Variants in SYT1 observed in about 807,000 individuals in gnomAD.
SYT1 encodes synaptotagmin 1.
In SYT1, 8 loss-of-function variants were observed where a neutral mutation model predicts 44.8. That is an observed-to-expected ratio of 0.18 (90% CI 0.10 to 0.32). SYT1 has a LOEUF of 0.32. Among genes scored for constraint, SYT1 ranks in the 10% least tolerant of loss-of-function variants. SYT1 has a pLI of 1.00. For missense variants in SYT1, 286 were observed against 509.3 expected (o/e 0.56, Z 4.22); for synonymous variants, 154 against 188.8 (o/e 0.82, Z 1.51).
chr12:79,120,726 C>T (rs1395226041), intron 3 of SYT1, among the ~76,000 whole-genome samples: 1 of 151,984 alleles, frequency 6.6e-6, no homozygotes, highest in Admixed American at 6.6e-5. Flanking sequence ...TGATTAAATT[C>T]TAAGAAGATG....
chr12:79,428,211 A>G (rs968741238), intron 9 of SYT1, among the ~76,000 whole-genome samples: 7 of 152,146 alleles, frequency 4.6e-5, no homozygotes, highest in African/African-American at 1.4e-4. Context: ...TAGAAGAAAT[A>G]TGCAGCACAG....
chr12:79,067,892 ATTG>A (rs777904013), intron 3 of SYT1, among the ~76,000 whole-genome samples: 1 of 152,238 alleles, frequency 6.6e-6, no homozygotes. Context: ...TCAAGTAGAA[ATTG>A]TTGTAGAACA....
chr12:79,015,470 A>G (rs774064110), intron 2 of SYT1, among the ~76,000 whole-genome samples: 12 of 152,134 alleles, frequency 7.9e-5, no homozygotes, highest in Non-Finnish European at 1.6e-4. Flanking sequence ...AATTTGTTTT[A>G]TCTGATTCAT....
chr12:78,876,286 T>C (rs1874063806), intron 1 of SYT1, among the ~76,000 whole-genome samples: 1 of 151,424 alleles, frequency 6.6e-6, no homozygotes, highest in Non-Finnish European at 1.5e-5. Flanking sequence ...TATATGATAG[T>C]AAACCAGTTG....
At chr12:79,051,812 A>C (rs1874515003) in intron 3 of SYT1, among the ~76,000 whole-genome samples, 1 of 151,986 alleles carries the variant, frequency 6.6e-6, no homozygotes, top group African/African-American at 2.4e-5. Flanking sequence ...TGTTTTTGTC[A>C]GGTTTGTCAA....
intron 3 of SYT1, among the ~76,000 whole-genome samples, chr12:79,217,025 T>C (rs1874849363): frequency 1.3e-5 from 2 of 152,318 alleles, no homozygotes; most frequent in East Asian, 1.9e-4. Flanking sequence ...ATATTACTTA[T>C]AACCATTTTT....
intron 3 of SYT1, among the ~76,000 whole-genome samples, chr12:79,215,992 C>T (rs906832898): frequency 8.3e-6 from 1 of 119,990 alleles, no homozygotes; most frequent in African/African-American, 3.2e-5. Flanking sequence ...AGTGCAGTAG[C>T]ACAATCTTGG....
At chr12:79,099,098 A>C (rs1878305854) in intron 3 of SYT1, among the ~76,000 whole-genome samples, 1 of 152,186 alleles carries the variant, frequency 6.6e-6, no homozygotes, top group Non-Finnish European at 1.5e-5. Flanking sequence ...AACTCTGTTC[A>C]ATCTTGGCAA....
chr12:79,132,690 A>G, intron 3 of SYT1, among the ~76,000 whole-genome samples: 1 of 150,658 alleles, frequency 6.6e-6, no homozygotes, highest in East Asian at 1.9e-4. Flanking sequence ...AAAAAAAAAA[A>G]AAAAAAAAAA....
At chr12:79,065,617 GA>G (rs892261087) in intron 3 of SYT1, among the ~76,000 whole-genome samples, 84 of 150,740 alleles carry the variant, frequency 5.6e-4, no homozygotes, top group African/African-American at 1.8e-3. Flanking sequence ...AAATCTTGAG[GA>G]AAAAAAAAGT....
intron 8 of SYT1, among the ~76,000 whole-genome samples, chr12:79,316,059 G>C (rs1392351490): frequency 6.6e-6 from 1 of 152,194 alleles, no homozygotes; most frequent in Non-Finnish European, 1.5e-5. Flanking sequence ...AAAATGCACA[G>C]ATGTTAAGTG....
intron 9 of SYT1, among the ~76,000 whole-genome samples, chr12:79,376,778 A>G (rs1256391601): frequency 6.6e-5 from 10 of 152,200 alleles, no homozygotes; most frequent in Admixed American, 2.6e-4. Context: ...TTTAACTTAA[A>G]TTCACAGGTA....
rs529680902 is a variant in SYT1, at chr12:79,143,032, C to A, written c.-17-74471C>A. Reference sequence around the variant, plus strand: ...CAAACCCTAGATTGTCTTCATGTAACCTTGTGGGTCTATGATTCTAAGAAA... The same window carrying A: ...CAAACCCTAGATTGTCTTCATGTAAACTTGTGGGTCTATGATTCTAAGAAA... On this transcript the variant is annotated intron_variant, in intron 3 of 10. Coordinates refer to ENST00000261205, the MANE Select transcript of SYT1 (RefSeq NM_005639.3). Among the ~76,000 whole-genome samples, 13 of 152,046 alleles carry A rather than the reference C, an allele frequency of 8.6e-5. No individual in the cohort carries two copies. In the East Asian group the frequency reaches 1.3e-3, roughly 16 times the overall value.
chr12:79,133,729 C>T (rs901894860), intron 3 of SYT1, among the ~76,000 whole-genome samples: 1 of 152,162 alleles, frequency 6.6e-6, no homozygotes, highest in African/African-American at 2.4e-5. Flanking sequence ...TTAAACTTTG[C>T]TCTTGCATCC....
At chr12:78,941,308 G>A (rs1027616506) in intron 1 of SYT1, among the ~76,000 whole-genome samples, 3 of 150,924 alleles carry the variant, frequency 2.0e-5, no homozygotes, top group East Asian at 2.0e-4. Flanking sequence ...TCCTGACCTC[G>A]TGATCCGCCT....
chr12:78,963,262 GC>G (rs1424453430), intron 1 of SYT1, among the ~76,000 whole-genome samples: 1 of 151,968 alleles, frequency 6.6e-6, no homozygotes, highest in Non-Finnish European at 1.5e-5. Flanking sequence ...ATTGGTTTTT[GC>G]AATGATTTCG....
chr12:79,175,270 AT>A (rs1344192893), intron 3 of SYT1, among the ~76,000 whole-genome samples: 1 of 152,048 alleles, frequency 6.6e-6, no homozygotes, highest in Admixed American at 6.6e-5. Context: ...AGTAATGGAC[AT>A]TTGTTGCTGT....
chr12:78,869,377 T>C (rs1873703762), intron 1 of SYT1, among the ~76,000 whole-genome samples: 1 of 152,002 alleles, frequency 6.6e-6, no homozygotes, highest in African/African-American at 2.4e-5. Context: ...AAAATTATAG[T>C]GCAAATGTAT....
intron 3 of SYT1, among the ~76,000 whole-genome samples, chr12:79,114,877 C>A (rs1030945716): frequency 6.6e-6 from 1 of 152,012 alleles, no homozygotes; most frequent in African/African-American, 2.4e-5. Flanking sequence ...CTCAAAAATA[C>A]CAAACTGGCA....
Sources: gnomAD v4.1 joint callset for allele counts (sites outside exome capture counted in the v4.1 genomes callset) on GRCh38, gnomAD v4.1.1 for gene constraint, MANE v1.5 for transcripts, NCBI Gene and HGNC (gene_info 2026-07-23, HGNC 2026-07-21) for gene names.